The following FH variants were observed in gnomAD, a reference collection of about 807,000 sequenced individuals.
FH encodes fumarate hydratase, also known as fumarate hydratase, mitochondrial.
In FH, 22 loss-of-function variants were observed where a neutral mutation model predicts 49.4. That is an observed-to-expected ratio of 0.45 (90% CI 0.32 to 0.64). The LOEUF is 0.64. FH is among the 30% of genes least tolerant of loss of function. FH has a pLI of 0.05. For missense variants in FH, 526 were observed against 641.5 expected (o/e 0.82, Z 1.95); for synonymous variants, 208 against 223.0 (o/e 0.93, Z 0.60).
intron 5 of FH, among the ~76,000 whole-genome samples, chr1:241,507,429 C>T (rs1241716958): frequency 6.6e-6 from 1 of 151,712 alleles, no homozygotes; most frequent in African/African-American, 2.4e-5. Context: ...TGTATGTATA[C>T]ACACACACAC....
Position 241,504,168 on chromosome 1 carries a change from T to C in FH, c.982A>G (p.Met328Val), listed in dbSNP as rs146816517. ...ATCAGACTGCAGGCAGTAGTGTTCA[T>C]GGCTCCACTGAGCTCAACCAGAGCG... The part of the protein sequence containing the change: ...HDALVELSGA[M>V]NTTACSLMKI... The change falls in exon 7 of 10, where the codon ATG becomes GTG. Residue 328 changes from methionine (M) to valine (V), a missense_variant. By Grantham distance (21) the Met-to-Val change is conservative. This residue lies in a region of FH where 383 missense variants were observed against 514.0 expected (regional missense o/e 0.75). Coordinates refer to ENST00000366560, the MANE Select transcript of FH (RefSeq NM_000143.4). 1.2e-6 allele frequency: 2 copies of C among 1,614,226 alleles called. No individual in the cohort carries two copies. Among genetic ancestry groups the C allele is most frequent in the East Asian group, 2.2e-5 (1 of 44,886 alleles).
intron 6 of FH, among the ~76,000 whole-genome samples, 199 bp downstream of exon 6, chr1:241,505,804 A>G (rs1023865342): frequency 6.6e-6 from 1 of 152,234 alleles, no homozygotes; most frequent in Admixed American, 6.5e-5. Context: ...CATGCTGTAT[A>G]AACTCCTACA....
intron 2 of FH, among the ~76,000 whole-genome samples, chr1:241,516,749 T>A (rs753410203): frequency 4.6e-5 from 7 of 151,110 alleles, no homozygotes; most frequent in Admixed American, 1.3e-4. Context: ...GCCTCCCGGG[T>A]TCAAGCAATT....
intron 4 of FH, among the ~76,000 whole-genome samples, chr1:241,509,840 G>GAT (rs1660038410): frequency 6.7e-6 from 1 of 149,248 alleles, no homozygotes; most frequent in African/African-American, 2.5e-5. Context: ...CACACACACA[G>GAT]ATATATATAA....
At chr1:241,504,282 G>C (rs769561153) in intron 6 of FH, 37 bp from the exon 7 acceptor site, 2 of 1,572,476 alleles carry the variant, frequency 1.3e-6, no homozygotes, top group South Asian at 1.1e-5. Flanking sequence ...GGGTGAACAA[G>C]TTAAACTAAA....
chr1:241,500,400 G>T lies in FH; in HGVS notation c.1390+37C>A, dbSNP rs774805214. On this transcript the variant is annotated intron_variant, in intron 9 of 9. Transcript: ENST00000366560. ...AAAAATGGTTTAGCTTTTTAATTTT[G>T]CATTCAAAATGATATTATTATTCCT... 2.1e-5 allele frequency: 34 copies of T among 1,600,904 alleles called. No individual in the cohort carries two copies. In the East Asian group the frequency reaches 7.4e-4, roughly 35 times the overall value.
At chr1:241,519,415 G>A in intron 1 of FH, 176 bp downstream of exon 1, 3 of 722,446 alleles carry the variant, frequency 4.2e-6, no homozygotes, top group Non-Finnish European at 6.3e-6. Flanking sequence ...CCCTGCGCCG[G>A]AAGAGGCGTC....
chr1:241,516,940 C>T (rs1229103970), intron 2 of FH, among the ~76,000 whole-genome samples: 6 of 152,150 alleles, frequency 3.9e-5, no homozygotes, highest in African/African-American at 1.2e-4. Flanking sequence ...CATAAGCCAC[C>T]GTGCCCGGCC....
intron 1 of FH, among the ~76,000 whole-genome samples, chr1:241,518,887 A>G (rs577036247): frequency 6.6e-6 from 1 of 152,220 alleles, no homozygotes; most frequent in East Asian, 1.9e-4. Context: ...TCTGAATAAA[A>G]AGTACCGATT....
At chr1:241,508,567 G>A (rs202233147) in intron 5 of FH, 36 bp downstream of exon 5, 1 of 1,571,250 alleles carries the variant, frequency 6.4e-7, no homozygotes. Context: ...TTTGTACCAA[G>A]CTCTAAATTG....
chr1:241,519,684 G>A lies in FH; in HGVS notation c.39C>T (p.Pro13=), dbSNP rs1060504077. The A allele has an allele frequency of 2.6e-6, 4 of 1,547,112 alleles. No individual in the cohort carries two copies. The highest frequency in any genetic ancestry group is 2.0e-5 in the Admixed American group (1 of 50,872). ...AGGCTGCGGCTGGAGCCCGCACGAG[G>A]GGACGCGAGCGCGCGAGGAGCCGAA... ...RALRLLARSR[P]LVRAPAAALA... The change falls in exon 1 of 10, where the codon CCC becomes CCT. Residue 13 remains proline, a synonymous_variant. Transcript: ENST00000366560.
intron 2 of FH, among the ~76,000 whole-genome samples, chr1:241,514,392 T>A (rs940692673): frequency 6.6e-6 from 1 of 152,206 alleles, no homozygotes; most frequent in African/African-American, 2.4e-5. Flanking sequence ...TAAAACCCCA[T>A]TAATGCAGAT....
chr1:241,506,605 G>C (rs1659937426), intron 5 of FH, among the ~76,000 whole-genome samples: 1 of 152,102 alleles, frequency 6.6e-6, no homozygotes, highest in South Asian at 2.1e-4. Context: ...TGCAAACATA[G>C]AAATATTCTC....
chr1:241,500,326 A>T, intron 9 of FH, 111 bp downstream of exon 9: 1 of 1,037,938 alleles, frequency 9.6e-7, no homozygotes, highest in Non-Finnish European at 1.5e-6. Flanking sequence ...TACTAAAACC[A>T]TATTCAAAAG....
rs1022470324 is a variant in FH, at chr1:241,507,082, C to T, written c.739-914G>A. Among the ~76,000 whole-genome samples, 12 of 152,244 alleles carry T rather than the reference C, an allele frequency of 7.9e-5. 1 individual carries two copies. In the South Asian group the frequency reaches 8.3e-4, roughly 11 times the overall value. ...ATATAACATCACTCATATACAGTCA[C>T]GCACCACATAATGATGTTTCAGCCA... On this transcript the variant is annotated intron_variant, in intron 5 of 9. Transcript: ENST00000366560.
chr1:241,499,385 G>T (rs1344847005), intron 9 of FH, among the ~76,000 whole-genome samples: 19 of 152,192 alleles, frequency 1.2e-4, no homozygotes, highest in South Asian at 2.1e-4. Flanking sequence ...GTAAAGATCT[G>T]ATGAAAACTG....
At chr1:241,500,297 T>G in intron 9 of FH, 140 bp downstream of exon 9, 1 of 813,168 alleles carries the variant, frequency 1.2e-6, no homozygotes, top group Non-Finnish European at 2.0e-6. Flanking sequence ...TCCACACAAT[T>G]TCAAATATTT....
chr1:241,506,353 T>C (rs989225587), intron 5 of FH, among the ~76,000 whole-genome samples, 185 bp from the exon 6 acceptor site: 14 of 152,346 alleles, frequency 9.2e-5, no homozygotes, highest in African/African-American at 1.9e-4. Context: ...TGAGGGTTTA[T>C]AGAACCATAA....
chr1:241,500,264 C>T (rs1184567571), intron 9 of FH, among the ~76,000 whole-genome samples, 173 bp downstream of exon 9: 1 of 152,082 alleles, frequency 6.6e-6, no homozygotes, highest in Non-Finnish European at 1.5e-5. Flanking sequence ...AACTATGACA[C>T]CATACAAGTT....
Sources: allele counts gnomAD v4.1 joint callset (sites outside exome capture counted in the v4.1 genomes callset), GRCh38; gene constraint gnomAD v4.1.1; regional missense constraint gnomAD v4.1.1; transcripts MANE v1.5; gene names NCBI Gene and HGNC (gene_info 2026-07-23, HGNC 2026-07-21).